Variants in CENPC observed in about 807,000 individuals in gnomAD.
CENPC encodes CENP-C 1.
A neutral mutation model predicts 112.1 loss-of-function variants in CENPC; 63 were observed. The observed-to-expected ratio is 0.56, with a 90% CI of 0.46 to 0.69. CENPC has a LOEUF of 0.69. Among genes scored for constraint, CENPC ranks in the 30% least tolerant of loss-of-function variants. CENPC has a pLI of 0.00. For missense variants in CENPC, 1,000 were observed against 1,103.8 expected, an observed-to-expected ratio of 0.91 and a Z score of 1.33; for synonymous variants, 333 against 367.6, an observed-to-expected ratio of 0.91 and a Z score of 1.08.
chr4:67,475,466 T>C (rs945498897), intron 17 of CENPC, among the ~76,000 whole-genome samples: 2 of 152,226 alleles, frequency 1.3e-5, no homozygotes, highest in African/African-American at 2.4e-5. Flanking sequence ...TGGAAGCAGA[T>C]TCGTCCTTAC....
chr4:67,542,222 G>A (rs759622855), intron 2 of CENPC, among the ~76,000 whole-genome samples: 12 of 152,108 alleles, frequency 7.9e-5, no homozygotes, highest in African/African-American at 1.7e-4. Context: ...ACAACCAGTC[G>A]ACTCTCCCAT....
chr4:67,477,853 T>TA (rs1724847359), intron 17 of CENPC, among the ~76,000 whole-genome samples: 1 of 151,562 alleles, frequency 6.6e-6, no homozygotes. Flanking sequence ...ATAGCATAAA[T>TA]AAAAAACAAT....
chr4:67,499,404 A>T (rs1424514408), intron 12 of CENPC, among the ~76,000 whole-genome samples: 1 of 152,234 alleles, frequency 6.6e-6, no homozygotes, highest in Non-Finnish European at 1.5e-5. Context: ...TTTTCTGGAT[A>T]ACTTGCTGCA....
At chr4:67,510,809 C>A in intron 9 of CENPC, 1 of 301,842 alleles carries the variant, frequency 3.3e-6, no homozygotes, top group Non-Finnish European at 6.5e-6. Context: ...GTTTCTTCTT[C>A]CATCAGATGA....
At chr4:67,544,478 T>C (rs865807072) in intron 1 of CENPC, among the ~76,000 whole-genome samples, 1 of 152,204 alleles carries the variant, frequency 6.6e-6, no homozygotes, top group African/African-American at 2.4e-5. Flanking sequence ...TATGTGCTCA[T>C]AGTAAAAAGT....
chr4:67,479,611 T>G (rs758291931), intron 17 of CENPC, among the ~76,000 whole-genome samples: 1 of 152,032 alleles, frequency 6.6e-6, no homozygotes, highest in Non-Finnish European at 1.5e-5. Context: ...AATGCCTCCA[T>G]CAAAAAGTCT....
chr4:67,513,551 A>G (rs1409618299), intron 8 of CENPC, among the ~76,000 whole-genome samples: 1 of 152,092 alleles, frequency 6.6e-6, no homozygotes, highest in Non-Finnish European at 1.5e-5. Flanking sequence ...CCTTCCTTTT[A>G]ATCCTATGCA....
At chr4:67,512,092 C>T (rs1337368320) in intron 9 of CENPC, 2 of 204,606 alleles carry the variant, frequency 9.8e-6, no homozygotes, top group East Asian at 1.3e-4. Context: ...TCTTTGTATC[C>T]CTCACAGCCA....
chr4:67,475,032 A>C lies in CENPC; in HGVS notation c.2671-54T>G, dbSNP rs145269321. ...CAAAACTGAACCATGATAATACTTC[A>C]AAGGAACCTTAAAATGTAGTGGGAA... On this transcript the variant is annotated intron_variant, in intron 17 of 18. Coordinates refer to ENST00000273853, the MANE Select transcript of CENPC (RefSeq NM_001812.4). The C allele has an allele frequency of 6.6e-4, 629 of 958,306 alleles. 5 individuals are homozygous for C. The African/African-American group carries it at 9.6e-3, about 15-fold the overall frequency. 59.4% of individuals were successfully genotyped at this position (958,306 alleles called of 1,614,324 possible). A position where few individuals can be genotyped will look rare whatever the true frequency, so the allele number is the denominator to read the frequency against.
chr4:67,519,526 A>G, intron 5 of CENPC, 24 bp from the exon 6 acceptor site: 1 of 1,380,232 alleles, frequency 7.2e-7, no homozygotes, highest in South Asian at 1.7e-5. Context: ...ATATAAAGAT[A>G]TTTGTCAATT....
rs761519564 is a variant in CENPC at position 67,541,045 on chromosome 4, C to G, written c.71G>C (p.Arg24Pro). ...RRRFCRPSRA[R>P]DINTEQGQNV... is the part of the protein sequence containing the mutation. ...CTGGCCTTGCTCTGTGTTAATGTCA[C>G]GTGCCCTAATAAAGGAAAAATACAG... Residue 24 changes from arginine (R) to proline (P), a missense_variant, in exon 3 of 19, where the codon CGT (arginine) becomes CCT (proline). Coordinates refer to ENST00000273853, the MANE Select transcript of CENPC (RefSeq NM_001812.4). The G allele has an allele frequency of 6.2e-7, 1 of 1,603,378 alleles. No homozygotes were observed. Among genetic ancestry groups the G allele is most frequent in the South Asian group, 1.1e-5 (1 of 88,770 alleles).
chr4:67,518,398 T>C (rs1036637307), intron 6 of CENPC, 30 bp from the exon 7 acceptor site: 58 of 1,492,304 alleles, frequency 3.9e-5, no homozygotes, highest in Non-Finnish European at 4.4e-5. Context: ...GTAAGCTGAA[T>C]GCTCCCGTAA....
Position 67,469,213 on chromosome 4 carries a change from A to T in CENPC, c.*3392T>A, listed in dbSNP as rs1338850672. The stretch of plus-strand genomic sequence containing the variant: ...AACAATAAAAATTAGAAAAATCATT[A>T]AAAAAACTCTCATGGGTGATGCCCA... On this transcript the variant is annotated 3_prime_UTR_variant, in exon 19 of 19. Coordinates refer to ENST00000273853, the MANE Select transcript of CENPC (RefSeq NM_001812.4). 1.3e-5 allele frequency: 2 copies of T among 152,180 alleles called. No individual in the cohort carries two copies. Among genetic ancestry groups the T allele is most frequent in the Non-Finnish European group, 2.9e-5 (2 of 68,036 alleles). 9.4% of individuals were successfully genotyped at this position (152,180 alleles called of 1,614,324 possible). A position where few individuals can be genotyped will look rare whatever the true frequency, so the allele number is the denominator to read the frequency against.
chr4:67,493,981 G>A lies in CENPC; in HGVS notation c.2193C>T (p.Pro731=). The A allele has an allele frequency of 6.2e-7, 1 of 1,606,726 alleles. No individual in the cohort carries two copies. Reference sequence around the variant, plus strand: ...TCCTGCGAACATTTGGTGTGTTGGAGGGCAATACTATAAAAAGATGTCAGA... The same window carrying A: ...TCCTGCGAACATTTGGTGTGTTGGAAGGCAATACTATAAAAAGATGTCAGA... ...KNRIHHKLVL[P]SNTPNVRRTK... Residue 731 remains proline (P), a synonymous_variant, in exon 14 of 19, where the codon CCC becomes CCT. Coordinates refer to ENST00000273853, the MANE Select transcript of CENPC (RefSeq NM_001812.4).
chr4:67,509,191 T>A, intron 9 of CENPC, 86 bp from the exon 10 acceptor site: 2 of 735,722 alleles, frequency 2.7e-6, no homozygotes, highest in Non-Finnish European at 4.4e-6. Context: ...TATATTTGCA[T>A]ATAAACATAT....
intron 5 of CENPC, among the ~76,000 whole-genome samples, chr4:67,528,347 T>G (rs549140822): frequency 6.6e-6 from 1 of 152,286 alleles, no homozygotes; most frequent in East Asian, 1.9e-4. Flanking sequence ...ATTTACAATA[T>G]TAACCATTTA....
intron 17 of CENPC, among the ~76,000 whole-genome samples, chr4:67,481,727 T>C (rs542940284): frequency 1.3e-5 from 2 of 152,264 alleles, no homozygotes; most frequent in South Asian, 4.1e-4. Flanking sequence ...TGGATCCTCA[T>C]CTGCCACCTT....
At chr4:67,492,305 C>G (rs1004597452) in intron 15 of CENPC, 30 bp from the exon 16 acceptor site, 26 of 1,387,024 alleles carry the variant, frequency 1.9e-5, no homozygotes, top group Non-Finnish European at 2.3e-5. Flanking sequence ...GAAATACAAA[C>G]TACTTACTTA....
chr4:67,528,999 A>G (rs7696912), intron 5 of CENPC, among the ~76,000 whole-genome samples: 35,956 of 152,092 alleles, frequency 0.24, 4,588 homozygotes, highest in Non-Finnish European at 0.29. Context: ...TTTGTTTTAA[A>G]TAATAGCTAA....
Sources: gnomAD v4.1 joint callset for allele counts (sites outside exome capture counted in the v4.1 genomes callset) on GRCh38, gnomAD v4.1.1 for gene constraint, MANE v1.5 for transcripts, NCBI Gene and HGNC (gene_info 2026-07-23, HGNC 2026-07-21) for gene names.